ADGRV1: variants seen among roughly 807,000 people sequenced by gnomAD.
ADGRV1 encodes the protein adhesion G protein-coupled receptor V1.
In ADGRV1, 359 loss-of-function variants were observed where a neutral mutation model predicts 596.2. The ratio of observed to expected loss-of-function variants is 0.60; its 90% CI spans 0.55 to 0.66. The LOEUF is 0.66. ADGRV1 is among the 30% of genes least tolerant of loss of function. The probability of loss-of-function intolerance (pLI) is 0.00; values close to 1 mark genes in which losing one functional copy is unlikely to be tolerated. For missense variants in ADGRV1, 7,274 were observed against 7,575.6 expected (o/e 0.96, Z 1.48); for synonymous variants, 2,681 against 2,679.2 (o/e 1.00, Z -0.02).
At chr5:90,686,060 T>C (rs1745589392) in intron 29 of ADGRV1, 65 bp downstream of exon 29, 10 of 983,098 alleles carry the variant, frequency 1.0e-5, no homozygotes, top group South Asian at 3.3e-5. Context: ...ACATGTATCC[T>C]TGATTAACAC....
At chr5:90,976,894 T>C (rs1779660658) in intron 84 of ADGRV1, among the ~76,000 whole-genome samples, 1 of 152,222 alleles carries the variant, frequency 6.6e-6, no homozygotes, top group African/African-American at 2.4e-5. Flanking sequence ...AACTACAGCT[T>C]AATTGAAGAA....
At chr5:90,876,317 G>A (rs1418474844) in intron 83 of ADGRV1, among the ~76,000 whole-genome samples, 1 of 152,062 alleles carries the variant, frequency 6.6e-6, no homozygotes, top group Admixed American at 6.5e-5. Flanking sequence ...TAAATTGTTG[G>A]TTTAACTTTT....
At chr5:90,663,564 C>T (rs1187005061) in intron 21 of ADGRV1, among the ~76,000 whole-genome samples, 1 of 151,968 alleles carries the variant, frequency 6.6e-6, no homozygotes, top group Non-Finnish European at 1.5e-5. Context: ...TTGTAGGTTG[C>T]CTGTTCACTC....
intron 86 of ADGRV1, among the ~76,000 whole-genome samples, chr5:91,095,859 C>T (rs536802468): frequency 2.4e-3 from 367 of 151,748 alleles, no homozygotes; most frequent in Non-Finnish European, 3.9e-3. Context: ...CTTGGCTCAC[C>T]GCAACCTCCA....
rs545910075 is a variant in ADGRV1, at chr5:90,859,738, T to C, written c.17755+3837T>C. On this transcript the variant is annotated intron_variant, in intron 82 of 89. Transcript: ENST00000405460. ...GTAGCCACTAGTCACCAGTGGTGAC[T>C]GAGCCCTTGAAATATGGCTTATACA... Among the ~76,000 whole-genome samples the C allele has an allele frequency of 9.1e-4, 139 of 152,302 alleles. 1 individual carries two copies. Among genetic ancestry groups the C allele is most frequent in the African/African-American group, 3.3e-3 (136 of 41,548 alleles).
intron 83 of ADGRV1, among the ~76,000 whole-genome samples, chr5:90,876,814 C>T (rs780928744): frequency 1.3e-5 from 2 of 152,150 alleles, no homozygotes; most frequent in African/African-American, 2.4e-5. Context: ...AAATTTATCT[C>T]ATGTTTGCAG....
At chr5:91,116,827 AGGGG>A (rs1792887609) in intron 87 of ADGRV1, among the ~76,000 whole-genome samples, 1 of 152,304 alleles carries the variant, frequency 6.6e-6, no homozygotes, top group South Asian at 2.1e-4. Flanking sequence ...CATTGCAAAA[AGGGG>A]GCCACTACCC....
chr5:91,106,866 A>C (rs1386833081), intron 87 of ADGRV1, among the ~76,000 whole-genome samples: 1 of 152,224 alleles, frequency 6.6e-6, no homozygotes, highest in Non-Finnish European at 1.5e-5. Context: ...GAAATTGTTA[A>C]TGAGTGATCA....
chr5:90,978,227 G>A (rs7711168), intron 84 of ADGRV1, among the ~76,000 whole-genome samples: 37,034 of 151,830 alleles, frequency 0.24, 4,984 homozygotes, highest in Non-Finnish European at 0.31. Flanking sequence ...CCCGGGAGGC[G>A]GAGCTTGCAG....
In ADGRV1 at chr5:90,647,489, A is replaced by G. The variant is rs1387067263; in HGVS notation, c.3023-9A>G. 1.1e-5 allele frequency: 17 copies of G among 1,596,010 alleles called. No individual in the cohort carries two copies. Among genetic ancestry groups the G allele is most frequent in the East Asian group, 6.7e-5 (3 of 44,674 alleles). Reference sequence around the variant, plus strand: ...AAGCTCATGTGTTCTTTCTTTGTGGATATTTCAGAACCTCGTGTAGTGAGG... The same window carrying G: ...AAGCTCATGTGTTCTTTCTTTGTGGGTATTTCAGAACCTCGTGTAGTGAGG... On this transcript the variant is annotated splice_polypyrimidine_tract_variant and intron_variant, in intron 16 of 89. Transcript: ENST00000405460.
intron 86 of ADGRV1, among the ~76,000 whole-genome samples, chr5:91,098,402 G>A (rs1002025591): frequency 6.6e-6 from 1 of 152,022 alleles, no homozygotes; most frequent in Non-Finnish European, 1.5e-5. Flanking sequence ...TTAAGTTTCA[G>A]GTCCTTTCAC....
chr5:91,119,732 T>C (rs911191516), intron 87 of ADGRV1, among the ~76,000 whole-genome samples: 3 of 152,234 alleles, frequency 2.0e-5, no homozygotes, highest in Non-Finnish European at 4.4e-5. Flanking sequence ...ACACATCCAC[T>C]TCTCCTTTGG....
chr5:90,705,602 TG>T (rs779421975), intron 37 of ADGRV1, 23 bp downstream of exon 37: 2 of 1,597,160 alleles, frequency 1.3e-6, no homozygotes, highest in South Asian at 2.2e-5. Flanking sequence ...CTAGAATGAA[TG>T]GGGTTTCCAG....
Position 90,774,298 on chromosome 5 carries a change from T to C in ADGRV1, c.12398T>C (p.Val4133Ala). 1 of 1,513,016 alleles carries C rather than the reference T, an allele frequency of 6.6e-7. No individual in the cohort carries two copies. Among genetic ancestry groups the C allele is most frequent in the Non-Finnish European group, 9.2e-7 (1 of 1,088,588 alleles). 93.7% of individuals were successfully genotyped at this position (1,513,016 alleles called of 1,614,324 possible). ...ISIDEVEISP[V>A]KGSASIIIRG... The stretch of plus-strand genomic sequence containing the variant: ...ATTGATGAGGTAGAAATATCTCCAG[T>C]AAAAGGTAAGAGAAATTCACATTTT... Residue 4133 changes from valine (V) to alanine (A), a missense_variant, in exon 60 of 90, where the codon GTA becomes GCA. By Grantham distance (64) the Val-to-Ala change is moderately conservative. Coordinates refer to ENST00000405460, the MANE Select transcript of ADGRV1 (RefSeq NM_032119.4).
chr5:91,122,938 C>T (rs1301729169), intron 87 of ADGRV1, among the ~76,000 whole-genome samples: 2 of 152,226 alleles, frequency 1.3e-5, no homozygotes, highest in Admixed American at 1.3e-4. Context: ...GACTCCTAGA[C>T]TTCCTGCCTG....
rs747114129 is a variant in ADGRV1, at chr5:90,745,607, T to A, written c.10786T>A (p.Phe3596Ile). 1.2e-6 allele frequency: 2 copies of A among 1,610,524 alleles called. No homozygotes were observed. The highest frequency in any genetic ancestry group is 1.7e-5 in the Admixed American group (1 of 59,960). ...TTATGGTAGTTCAGGTGAACTGATA[T>A]TTGAACCTGGTGAGAGAGAAGCTAC... ...DFIPSSGELI[F>I]EPGEREATIA... The change falls in exon 52 of 90, where the codon TTT (phenylalanine) becomes ATT (isoleucine). Residue 3596 changes from phenylalanine to isoleucine, a missense_variant. Coordinates refer to ENST00000405460, the MANE Select transcript of ADGRV1 (RefSeq NM_032119.4).
intron 10 of ADGRV1, among the ~76,000 whole-genome samples, chr5:90,635,914 T>C (rs1267655099): frequency 1.3e-5 from 2 of 151,852 alleles, no homozygotes; most frequent in Non-Finnish European, 2.9e-5. Context: ...TTTTTTTTTT[T>C]TTTCTTAATG....
intron 8 of ADGRV1, 184 bp from the exon 9 acceptor site, chr5:90,629,026 G>A: frequency 1.5e-6 from 1 of 665,898 alleles, no homozygotes. Flanking sequence ...TCCACAAACT[G>A]TGATTTAGGA....
In ADGRV1 at chr5:90,627,595, G is replaced by C; in HGVS notation, c.1057G>C (p.Glu353Gln). 6 of 1,613,846 alleles carry C rather than the reference G, an allele frequency of 3.7e-6. No individual in the cohort carries two copies. Among genetic ancestry groups the C allele is most frequent in the African/African-American group, 1.3e-5 (1 of 75,006 alleles). ...KFQIVDDTIP[E>Q]IAESFHIMLL... ...TCAAATAGTTGATGACACCATACCGGAGATTGCTGAATCGTTTCACATTAT... is the reference window on the plus strand; with the variant it reads ...TCAAATAGTTGATGACACCATACCGCAGATTGCTGAATCGTTTCACATTAT... The change falls in exon 7 of 90, where the codon GAG becomes CAG. Residue 353 changes from glutamate (E) to glutamine (Q), a missense_variant. Transcript: ENST00000405460.
Sources: allele counts gnomAD v4.1 joint callset (sites outside exome capture counted in the v4.1 genomes callset), GRCh38; gene constraint gnomAD v4.1.1; transcripts MANE v1.5; gene names NCBI Gene and HGNC (gene_info 2026-07-23, HGNC 2026-07-21).